INSYN2B: variants seen among roughly 807,000 people sequenced by gnomAD.
INSYN2B encodes the protein inhibitory synaptic factor family member 2B.
INSYN2B carries 16 observed loss-of-function variants against 41.2 expected under a neutral mutation model. The observed-to-expected ratio is 0.39, with a 90% CI of 0.26 to 0.59. INSYN2B has a LOEUF of 0.59. Ranked by LOEUF, INSYN2B falls within the 20% of genes least tolerant of loss-of-function variation. The pLI, the probability that INSYN2B is intolerant of heterozygous loss-of-function variation, is 0.57. For synonymous variants in INSYN2B, 245 were observed against 244.4 expected, an observed-to-expected ratio of 1.00 and a Z score of -0.02; for missense variants, 608 against 646.4, an observed-to-expected ratio of 0.94 and a Z score of 0.64.
At chr5:169,879,560 G>C (rs1283924013) in intron 3 of INSYN2B, among the ~76,000 whole-genome samples, 1 of 152,220 alleles carries the variant, frequency 6.6e-6, no homozygotes, top group African/African-American at 2.4e-5. Context: ...TTCTGGAAAG[G>C]ATGGTGTGCA....
chr5:169,958,864 G>A (rs1200507373), intron 1 of INSYN2B, among the ~76,000 whole-genome samples: 4 of 152,106 alleles, frequency 2.6e-5, no homozygotes, highest in Non-Finnish European at 5.9e-5. Flanking sequence ...AAATACTTAA[G>A]AGAGTGGGGG....
chr5:169,882,688 A>G lies in INSYN2B; in HGVS notation c.1211T>C (p.Leu404Pro). The G allele has an allele frequency of 6.4e-7, 1 of 1,552,114 alleles. No individual in the cohort carries two copies. Among genetic ancestry groups the G allele is most frequent in the Non-Finnish European group, 8.7e-7 (1 of 1,147,046 alleles). ...GAGGTCGCAGAGTTCACCCCGTGCC[A>G]GGTGAATTTGATTAATGTCACTAAT... ...REISDINQIHLARGELCDLQG... is the reference protein window; with the variant it reads ...REISDINQIHPARGELCDLQG... The change falls in exon 2 of 4, where the codon CTG becomes CCG. Residue 404 changes from leucine to proline, a missense_variant. Leu to Pro is a moderately conservative substitution (Grantham distance 98, BLOSUM62 -3). Coordinates refer to ENST00000377365, the MANE Select transcript of INSYN2B (RefSeq NM_001129891.3).
intron 1 of INSYN2B, among the ~76,000 whole-genome samples, chr5:169,906,430 TAA>T (rs1774283789): frequency 3.3e-5 from 5 of 152,240 alleles, no homozygotes; most frequent in Non-Finnish European, 7.3e-5. Context: ...TCCCCACTTC[TAA>T]CATAGGAGCA....
chr5:169,871,526 G>A (rs1388439433), intron 3 of INSYN2B, among the ~76,000 whole-genome samples: 1 of 152,182 alleles, frequency 6.6e-6, no homozygotes, highest in Non-Finnish European at 1.5e-5. Context: ...TTATAAATGA[G>A]AAAACTGAGG....
intron 1 of INSYN2B, among the ~76,000 whole-genome samples, chr5:169,898,560 A>C (rs531643956): frequency 3.3e-4 from 48 of 146,184 alleles, no homozygotes; most frequent in Admixed American, 1.3e-3. Flanking sequence ...AACAACAACA[A>C]CACACACCGG....
chr5:169,890,690 G>C (rs551571901), intron 1 of INSYN2B, among the ~76,000 whole-genome samples: 4 of 152,170 alleles, frequency 2.6e-5, no homozygotes, highest in Non-Finnish European at 4.4e-5. Flanking sequence ...GGCACCAAAA[G>C]GTGAGGTTAA....
At chr5:169,979,229 A>G (rs1777851022) in intron 1 of INSYN2B, among the ~76,000 whole-genome samples, 1 of 152,214 alleles carries the variant, frequency 6.6e-6, no homozygotes, top group Admixed American at 6.5e-5. Flanking sequence ...CCTACACTGT[A>G]AAGTTTGAAC....
At chr5:169,979,741 G>A (rs1038031294) in intron 1 of INSYN2B, among the ~76,000 whole-genome samples, 16 of 152,154 alleles carry the variant, frequency 1.1e-4, no homozygotes, top group Admixed American at 9.2e-4. Context: ...CAAAAGGCAC[G>A]CAACCGGGTT....
At chr5:169,927,736 C>A (rs1378083911) in intron 1 of INSYN2B, among the ~76,000 whole-genome samples, 1 of 152,218 alleles carries the variant, frequency 6.6e-6, no homozygotes, top group Non-Finnish European at 1.5e-5. Flanking sequence ...CCTGCCTCAG[C>A]CTCCCGAGTA....
intron 1 of INSYN2B, among the ~76,000 whole-genome samples, chr5:169,977,075 C>G (rs536488802): frequency 2.0e-5 from 3 of 152,182 alleles, no homozygotes; most frequent in African/African-American, 7.2e-5. Flanking sequence ...AACTGGGGAA[C>G]TAAGTTTTCG....
At position 169,925,512 on chromosome 5, in the gene INSYN2B, G is replaced by A. The variant is rs543797738; in HGVS notation, c.-918-40696C>T. Among the ~76,000 whole-genome samples the A allele has an allele frequency of 3.0e-4, 45 of 149,308 alleles. 1 individual carries two copies. The highest frequency in any genetic ancestry group is 6.8e-3 in the Middle Eastern group (2 of 294). On this transcript the variant is annotated intron_variant, in intron 1 of 3. Transcript: ENST00000377365. ...GAAGAATCGCTTGAACCCAGGAGGT[G>A]GAGATTGCAATGAGCTAAGATCAGG...
At chr5:169,949,414 G>A (rs1222916099) in intron 1 of INSYN2B, among the ~76,000 whole-genome samples, 1 of 152,150 alleles carries the variant, frequency 6.6e-6, no homozygotes. Context: ...GATGGCTTTT[G>A]AGATTTTTCT....
At chr5:169,906,205 A>C (rs996358733) in intron 1 of INSYN2B, among the ~76,000 whole-genome samples, 2 of 152,202 alleles carry the variant, frequency 1.3e-5, no homozygotes, top group Admixed American at 6.5e-5. Context: ...GGATAGTCAG[A>C]AAGTTCTTTC....
intron 1 of INSYN2B, among the ~76,000 whole-genome samples, chr5:169,968,231 C>T (rs1474561063): frequency 6.6e-6 from 1 of 152,174 alleles, no homozygotes; most frequent in Non-Finnish European, 1.5e-5. Flanking sequence ...TGGCTCAAGG[C>T]ATTCAGCTAA....
At chr5:169,872,915 C>T (rs1041682789) in intron 3 of INSYN2B, among the ~76,000 whole-genome samples, 36 of 152,282 alleles carry the variant, frequency 2.4e-4, no homozygotes, top group East Asian at 3.9e-4. Flanking sequence ...TGGAATGAAA[C>T]GATAGACATA....
At chr5:169,906,394 A>C (rs940620708) in intron 1 of INSYN2B, among the ~76,000 whole-genome samples, 1 of 152,202 alleles carries the variant, frequency 6.6e-6, no homozygotes, top group Admixed American at 6.5e-5. Flanking sequence ...AATTAAAACC[A>C]CCATCATTTG....
At chr5:169,903,490 C>A (rs1774072513) in intron 1 of INSYN2B, among the ~76,000 whole-genome samples, 1 of 137,040 alleles carries the variant, frequency 7.3e-6, no homozygotes, top group Admixed American at 7.7e-5. Context: ...GCAGGGTTGT[C>A]TATTGTGAGC....
intron 1 of INSYN2B, among the ~76,000 whole-genome samples, chr5:169,903,627 T>C (rs897047073): frequency 2.0e-5 from 3 of 151,984 alleles, no homozygotes. Context: ...AGTATGGAGA[T>C]AAGAGGAAGC....
At chr5:169,971,512 C>G (rs1181947453) in intron 1 of INSYN2B, among the ~76,000 whole-genome samples, 1 of 150,394 alleles carries the variant, frequency 6.6e-6, no homozygotes, top group African/African-American at 2.5e-5. Context: ...AATGTGAAAC[C>G]TTGGAGTCAG....
Sources: allele counts gnomAD v4.1 joint callset (sites outside exome capture counted in the v4.1 genomes callset), GRCh38; gene constraint gnomAD v4.1.1; transcripts MANE v1.5; gene names NCBI Gene and HGNC (gene_info 2026-07-23, HGNC 2026-07-21).